Variants in ASAH2 observed in about 807,000 individuals in gnomAD.
ASAH2 encodes the protein N-acylsphingosine amidohydrolase 2, also known as neutral ceramidase.
A neutral mutation model predicts 82.9 loss-of-function variants in ASAH2; 58 were observed. That is an observed-to-expected ratio of 0.70 (90% CI 0.57 to 0.87). The LOEUF is 0.87. Ranked by LOEUF, ASAH2 falls within the 40% of genes least tolerant of loss-of-function variation. ASAH2 has a pLI of 0.00. For missense variants in ASAH2, 779 were observed against 834.0 expected (o/e 0.93, Z 0.81); for synonymous variants, 276 against 289.7 (o/e 0.95, Z 0.48).
intron 2 of ASAH2, 67 bp downstream of exon 2, chr10:50,248,417 G>T: frequency 1.3e-6 from 2 of 1,568,712 alleles, no homozygotes; most frequent in Admixed American, 1.8e-5. Flanking sequence ...TCTCTTTGGT[G>T]TCCACAGTAA....
At chr10:50,222,629 C>G (rs943387928) in intron 7 of ASAH2, among the ~76,000 whole-genome samples, 1 of 151,994 alleles carries the variant, frequency 6.6e-6, no homozygotes, top group East Asian at 1.9e-4. Flanking sequence ...ATAAACTGAA[C>G]TTTTTCTCTA....
At chr10:50,203,011 T>A in intron 15 of ASAH2, 87 bp from the exon 16 acceptor site, 1 of 922,250 alleles carries the variant, frequency 1.1e-6, no homozygotes, top group East Asian at 2.5e-5. Context: ...CAAGCATTGA[T>A]TACACTATTA....
intron 3 of ASAH2, 30 bp downstream of exon 3, chr10:50,245,191 AG>A (rs1846414418): frequency 6.7e-7 from 1 of 1,499,602 alleles, no homozygotes; most frequent in African/African-American, 1.4e-5. Flanking sequence ...CTTGTTTCAC[AG>A]TCTCCTTAAG....
intron 10 of ASAH2, among the ~76,000 whole-genome samples, chr10:50,212,700 C>A (rs1412773321): frequency 2.0e-5 from 3 of 152,098 alleles, no homozygotes; most frequent in Admixed American, 2.0e-4. Context: ...TCTAAGCAAG[C>A]ACTCTGGCTT....
At chr10:50,237,428 GAC>G (rs1846190052) in intron 4 of ASAH2, among the ~76,000 whole-genome samples, 1 of 152,202 alleles carries the variant, frequency 6.6e-6, no homozygotes, top group African/African-American at 2.4e-5. Context: ...GCCACATCAT[GAC>G]ACAGAAGTGA....
intron 10 of ASAH2, among the ~76,000 whole-genome samples, chr10:50,211,371 G>A (rs992271): frequency 0.94 from 142,673 of 152,226 alleles, 67,563 homozygotes; most frequent in East Asian, 1. Flanking sequence ...CCCCACAAAA[G>A]TGAAATTATA....
At position 50,202,711 on chromosome 10, in the gene ASAH2, G is replaced by T. The variant is rs1271220367; in HGVS notation, c.1761+118C>A. 4 of 783,718 alleles carry T rather than the reference G, an allele frequency of 5.1e-6. No individual in the cohort carries two copies. The African/African-American group carries it at 6.8e-5, about 13-fold the overall frequency. 48.5% of individuals were successfully genotyped at this position (783,718 alleles called of 1,614,324 possible). On this transcript the variant is annotated intron_variant, in intron 16 of 20. Coordinates refer to ENST00000682911, the MANE Select transcript of ASAH2 (RefSeq NM_019893.4). ...TATCATCCTCTTACCTGTTATACCT[G>T]AAACATAATCATCTCTCAGAAACAT...
At chr10:50,224,252 C>T (rs1845821028) in intron 7 of ASAH2, among the ~76,000 whole-genome samples, 1 of 151,888 alleles carries the variant, frequency 6.6e-6, no homozygotes. Context: ...TGGCTGATAC[C>T]AAGAATGGAA....
At chr10:50,191,054 AC>A (rs1316017057) in intron 19 of ASAH2, among the ~76,000 whole-genome samples, 2 of 5,864 alleles carry the variant, frequency 3.4e-4, no homozygotes, top group African/African-American at 1.4e-3. Flanking sequence ...GAATTTCTCT[AC>A]CCTAGGGATA....
At chr10:50,204,569 A>G (rs1845244182) in intron 14 of ASAH2, among the ~76,000 whole-genome samples, 3 of 152,062 alleles carry the variant, frequency 2.0e-5, no homozygotes, top group Non-Finnish European at 4.4e-5. Flanking sequence ...CTGTATTTTA[A>G]TATGACTGCA....
At chr10:50,205,015 C>T (rs1218112236) in intron 13 of ASAH2, 60 bp from the exon 14 acceptor site, 21 of 1,173,298 alleles carry the variant, frequency 1.8e-5, no homozygotes, top group Non-Finnish European at 2.3e-5. Flanking sequence ...GGTCAACAGA[C>T]ATATAGTGGT....
intron 16 of ASAH2, among the ~76,000 whole-genome samples, chr10:50,199,681 TA>T (rs1845088272): frequency 6.7e-6 from 1 of 148,604 alleles, no homozygotes; most frequent in Admixed American, 6.7e-5. Flanking sequence ...ACTTCAGACA[TA>T]CCAGCTTCCT....
At chr10:50,198,222 A>T (rs1018344632) in intron 17 of ASAH2, 4 of 151,736 alleles carry the variant, frequency 2.6e-5, no homozygotes, top group Non-Finnish European at 5.9e-5. Context: ...ATTGTTTCAC[A>T]TTTTTTACTG....
At chr10:50,212,467 G>A (rs1171661342) in intron 10 of ASAH2, among the ~76,000 whole-genome samples, 2 of 152,048 alleles carry the variant, frequency 1.3e-5, no homozygotes, top group Non-Finnish European at 2.9e-5. Flanking sequence ...AGAATAGCTG[G>A]ATGATCTTTG....
At chr10:50,228,311 C>CACT (rs1265199484) in intron 7 of ASAH2, among the ~76,000 whole-genome samples, 14 of 152,220 alleles carry the variant, frequency 9.2e-5, no homozygotes, top group African/African-American at 3.4e-4. Flanking sequence ...AGAGGGCAGT[C>CACT]ACTAAGGTTT....
Position 50,233,239 on chromosome 10 carries a change from C to T in ASAH2, c.838G>A (p.Glu280Lys). 6.2e-7 allele frequency: 1 copy of T among 1,611,612 alleles called. No individual in the cohort carries two copies. Among genetic ancestry groups the T allele is most frequent in the East Asian group, 2.2e-5 (1 of 44,852 alleles). ...RARYSSNTDK[E>K]MIVLKMVDLN... ...TCTACCATTTTCAAAACTATCATTT[C>T]CTTGTCTGTATTTGAAGAATACCTA... The change falls in exon 7 of 21, where the codon GAA becomes AAA. Residue 280 changes from glutamate to lysine, a missense_variant. Glu to Lys is a moderately conservative substitution (Grantham distance 56). Coordinates refer to ENST00000682911, the MANE Select transcript of ASAH2 (RefSeq NM_019893.4).
At chr10:50,249,672 A>G (rs1347327387) in intron 1 of ASAH2, among the ~76,000 whole-genome samples, 2 of 152,228 alleles carry the variant, frequency 1.3e-5, no homozygotes, top group Non-Finnish European at 2.9e-5. Flanking sequence ...AGATGAAGCA[A>G]CAGTACTTCT....
At chr10:50,215,124 G>T (rs1845559594) in intron 8 of ASAH2, among the ~76,000 whole-genome samples, 1 of 152,318 alleles carries the variant, frequency 6.6e-6, no homozygotes, top group South Asian at 2.1e-4. Context: ...TGGTGTTTTA[G>T]TCATGAAGTC....
intron 3 of ASAH2, among the ~76,000 whole-genome samples, chr10:50,244,628 TAGA>T (rs1332558355): frequency 6.6e-6 from 1 of 152,192 alleles, no homozygotes; most frequent in East Asian, 1.9e-4. Context: ...ACCTGACACA[TAGA>T]AGTTTTATTT....
Sources: allele counts gnomAD v4.1 joint callset (sites outside exome capture counted in the v4.1 genomes callset), GRCh38; gene constraint gnomAD v4.1.1; transcripts MANE v1.5; gene names NCBI Gene and HGNC (gene_info 2026-07-23, HGNC 2026-07-21).